Variants in MARCHF1 observed in about 807,000 individuals in gnomAD.
MARCHF1 encodes the protein membrane associated ring-CH-type finger 1.
A neutral mutation model predicts 54.2 loss-of-function variants in MARCHF1; 40 were observed. The observed-to-expected ratio is 0.74, with a 90% CI of 0.57 to 0.96. The LOEUF is 0.96. MARCHF1 is among the 40% of genes least tolerant of loss of function. The probability of loss-of-function intolerance (pLI) is 0.00; values close to 1 mark genes in which losing one functional copy is unlikely to be tolerated. For missense variants in MARCHF1, 586 were observed against 656.5 expected (o/e 0.89, Z 1.17); for synonymous variants, 236 against 236.3 (o/e 1.00, Z 0.01).
At chr4:163,617,388 T>A (rs1741549528) in intron 5 of MARCHF1, among the ~76,000 whole-genome samples, 1 of 152,180 alleles carries the variant, frequency 6.6e-6, no homozygotes, top group African/African-American at 2.4e-5. Context: ...ATGTTGGATG[T>A]TCCCCACAGA....
intron 2 of MARCHF1, among the ~76,000 whole-genome samples, chr4:164,024,774 T>C (rs1449457167): frequency 6.6e-6 from 1 of 152,032 alleles, no homozygotes; most frequent in Admixed American, 6.6e-5. Context: ...AAACACCCCA[T>C]TTAAAAGACA....
At chr4:164,034,231 A>C (rs1395044155) in intron 2 of MARCHF1, among the ~76,000 whole-genome samples, 2 of 152,272 alleles carry the variant, frequency 1.3e-5, no homozygotes, top group East Asian at 3.9e-4. Flanking sequence ...TAACATGGGA[A>C]TAGAAAACCA....
At chr4:163,781,133 T>C (rs895040521) in intron 4 of MARCHF1, among the ~76,000 whole-genome samples, 1 of 152,002 alleles carries the variant, frequency 6.6e-6, no homozygotes, top group Non-Finnish European at 1.5e-5. Flanking sequence ...GGTGGATCAC[T>C]TGAGGTCAGG....
chr4:163,709,545 A>G (rs1455867420), intron 4 of MARCHF1, among the ~76,000 whole-genome samples: 4 of 152,230 alleles, frequency 2.6e-5, no homozygotes, highest in Non-Finnish European at 5.9e-5. Context: ...CAGAGTGTAT[A>G]TCATAAAGGT....
At chr4:164,213,203 TTTATTATTATTATTA>T (rs200182175) in intron 1 of MARCHF1, among the ~76,000 whole-genome samples, 3,455 of 141,772 alleles carry the variant, frequency 0.024, 105 homozygotes, top group African/African-American at 0.066. Context: ...GGCTTTTACT[TTTATTATTATTATTA>T]TTATTATTAT....
At chr4:164,376,836 T>C (rs377007762) in intron 1 of MARCHF1, among the ~76,000 whole-genome samples, 6 of 152,288 alleles carry the variant, frequency 3.9e-5, no homozygotes, top group African/African-American at 4.8e-5. Context: ...CTGCCTACAA[T>C]GATTGCCCGA....
chr4:163,875,903 C>G (rs1489577812), intron 3 of MARCHF1, among the ~76,000 whole-genome samples: 1 of 151,836 alleles, frequency 6.6e-6, no homozygotes, highest in Non-Finnish European at 1.5e-5. Flanking sequence ...TAAATTGATA[C>G]TTTTAAAATG....
At chr4:163,653,047 T>C (rs141981465) in intron 5 of MARCHF1, among the ~76,000 whole-genome samples, 2 of 145,710 alleles carry the variant, frequency 1.4e-5, no homozygotes, top group African/African-American at 5.3e-5. Context: ...CTACGTACTA[T>C]TAGAGAAAAT....
At chr4:163,839,489 A>C (rs1479388382) in intron 4 of MARCHF1, among the ~76,000 whole-genome samples, 1 of 152,164 alleles carries the variant, frequency 6.6e-6, no homozygotes, top group Admixed American at 6.5e-5. Context: ...ACAAATAATA[A>C]AATAGGTTGT....
intron 8 of MARCHF1, among the ~76,000 whole-genome samples, chr4:163,546,915 G>A (rs916271222): frequency 6.6e-6 from 1 of 152,096 alleles, no homozygotes; most frequent in Non-Finnish European, 1.5e-5. Context: ...ATTATGTTAG[G>A]AATTGTGTTT....
chr4:164,055,503 G>A (rs1295655286), intron 2 of MARCHF1, among the ~76,000 whole-genome samples: 4 of 151,734 alleles, frequency 2.6e-5, no homozygotes, highest in African/African-American at 7.3e-5. Context: ...GATCAAGGAT[G>A]TCCTGACTGA....
chr4:164,129,669 G>C (rs1756260191), intron 1 of MARCHF1, among the ~76,000 whole-genome samples: 1 of 151,590 alleles, frequency 6.6e-6, no homozygotes, highest in South Asian at 2.1e-4. Context: ...GTTTCCCATA[G>C]TTTATTCCAT....
chr4:163,667,980 A>G (rs1743600860), intron 5 of MARCHF1, among the ~76,000 whole-genome samples: 2 of 152,168 alleles, frequency 1.3e-5, no homozygotes, highest in African/African-American at 4.8e-5. Flanking sequence ...CTTTTGAAAA[A>G]GCAAATTTGG....
At chr4:164,172,912 C>T (rs1322644077) in intron 1 of MARCHF1, among the ~76,000 whole-genome samples, 2 of 145,988 alleles carry the variant, frequency 1.4e-5, no homozygotes, top group Non-Finnish European at 3.0e-5. Flanking sequence ...ACCCGCAAGG[C>T]GGAGCTTGCA....
At chr4:163,836,286 T>C (rs1749180998) in intron 4 of MARCHF1, among the ~76,000 whole-genome samples, 3 of 150,940 alleles carry the variant, frequency 2.0e-5, no homozygotes, top group Non-Finnish European at 4.4e-5. Context: ...CGCTCTATCA[T>C]CCAGGCTGGA....
intron 4 of MARCHF1, among the ~76,000 whole-genome samples, chr4:163,766,561 T>C (rs946287569): frequency 1.3e-5 from 2 of 152,200 alleles, no homozygotes; most frequent in African/African-American, 4.8e-5. Flanking sequence ...GAACATTCCA[T>C]TGGCAGACAC....
chr4:163,912,065 G>GTTTTTTT (rs70948676), intron 3 of MARCHF1, among the ~76,000 whole-genome samples: 6 of 149,324 alleles, frequency 4.0e-5, no homozygotes, highest in African/African-American at 1.5e-4. Flanking sequence ...GGAATGCAGG[G>GTTTTTTT]TTTTTTTTTT....
intron 1 of MARCHF1, among the ~76,000 whole-genome samples, chr4:164,185,154 G>A (rs532884464): frequency 2.0e-5 from 3 of 152,148 alleles, no homozygotes; most frequent in Non-Finnish European, 4.4e-5. Context: ...CCCAGGATGT[G>A]TGTTGGGAAT....
At chr4:164,145,624 C>A (rs181355935) in intron 1 of MARCHF1, among the ~76,000 whole-genome samples, 26 of 152,260 alleles carry the variant, frequency 1.7e-4, no homozygotes, top group Admixed American at 9.8e-4. Context: ...ATTCAACAAC[C>A]TTCATGCCAA....
Sources: allele counts gnomAD v4.1 joint callset (sites outside exome capture counted in the v4.1 genomes callset), GRCh38; gene constraint gnomAD v4.1.1; transcripts MANE v1.5; gene names NCBI Gene and HGNC (gene_info 2026-07-23, HGNC 2026-07-21).